The following TRIM67 variants were observed in gnomAD, a reference collection of about 807,000 sequenced individuals.
TRIM67 encodes the protein tripartite motif-containing protein 67.
Under a neutral mutation model 71.0 loss-of-function variants are expected in TRIM67, and 39 were observed. That is an observed-to-expected ratio of 0.55 (90% confidence interval 0.43 to 0.72). The LOEUF is 0.72. Among genes scored for constraint, TRIM67 ranks in the 30% least tolerant of loss-of-function variants. TRIM67 has a pLI of 0.00. For missense variants in TRIM67, 973 were observed against 1,079.2 expected (o/e 0.90, Z 1.38); for synonymous variants, 481 against 473.9 (o/e 1.01, Z -0.19).
intron 2 of TRIM67, among the ~76,000 whole-genome samples, chr1:231,198,010 A>T (rs1174860131): frequency 6.6e-6 from 1 of 152,164 alleles, no homozygotes; most frequent in Non-Finnish European, 1.5e-5. Flanking sequence ...CACAAGTGAC[A>T]CCTGATACAG....
intron 6 of TRIM67, among the ~76,000 whole-genome samples, chr1:231,204,723 A>G (rs980010953): frequency 6.6e-6 from 1 of 152,104 alleles, no homozygotes; most frequent in Non-Finnish European, 1.5e-5. Flanking sequence ...AGAAGATTAA[A>G]TAAACACTCA....
rs1415699053 is a variant in TRIM67 at position 231,162,560 on chromosome 1, G to A, written c.-410G>A. On this transcript the variant is annotated 5_prime_UTR_variant, in exon 1 of 10. Coordinates refer to ENST00000366653, the MANE Select transcript of TRIM67 (RefSeq NM_001004342.5). ...GGGGTAGCCGCCCACCGGAGCCAGGGGCTGAAGCAGCGAGCGCACAGCAGC... is the reference window on the plus strand; with the variant it reads ...GGGGTAGCCGCCCACCGGAGCCAGGAGCTGAAGCAGCGAGCGCACAGCAGC... The A allele has an allele frequency of 2.0e-5, 4 of 203,542 alleles. No individual in the cohort carries two copies. Among genetic ancestry groups the A allele is most frequent in the Non-Finnish European group, 3.9e-5 (4 of 101,838 alleles). The allele number at this position is 203,542 out of a possible 1,614,324, so 12.6% of individuals were successfully genotyped here. A position where few individuals can be genotyped will look rare whatever the true frequency, so the allele number is the denominator to read the frequency against.
At position 231,209,288 on chromosome 1, in the gene TRIM67, G is replaced by T; in HGVS notation, c.2123+38G>T. ...CCCATCCTGCCTCCCGTGGACACAG[G>T]TTGTTTGGGAATGAGGGTCCTGAAG... On this transcript the variant is annotated intron_variant, in intron 8 of 9. Transcript: ENST00000366653. This position sits in a 1 kb window ranked among gnomAD's most constrained non-coding sequence, Gnocchi z 4.1. The T allele has an allele frequency of 6.7e-7, 1 of 1,501,614 alleles. No homozygotes were observed. The highest frequency in any genetic ancestry group is 8.9e-7 in the Non-Finnish European group (1 of 1,121,262). The allele number at this position is 1,501,614 out of a possible 1,614,324, so 93.0% of individuals were successfully genotyped here.
intron 8 of TRIM67, 116 bp from the exon 9 acceptor site, chr1:231,213,699 C>T (rs1267514250): frequency 3.0e-6 from 4 of 1,321,234 alleles, no homozygotes; most frequent in Middle Eastern, 2.2e-4. Flanking sequence ...TCACTGCACT[C>T]CAGCCTGGGT....
chr1:231,195,421 G>A (rs1683340855), intron 1 of TRIM67, among the ~76,000 whole-genome samples: 1 of 152,212 alleles, frequency 6.6e-6, no homozygotes, highest in South Asian at 2.1e-4. Flanking sequence ...TATTCTATGG[G>A]ATGTTTCACT....
intron 1 of TRIM67, among the ~76,000 whole-genome samples, chr1:231,189,280 T>G (rs748943795): frequency 5.7e-4 from 86 of 152,206 alleles, no homozygotes; most frequent in Non-Finnish European, 1.0e-3. Flanking sequence ...AATGATGGCC[T>G]CCAAGGACGA....
chr1:231,211,027 A>ATATATATATATATAT (rs1553328710), intron 8 of TRIM67, among the ~76,000 whole-genome samples: 1 of 130,472 alleles, frequency 7.7e-6, no homozygotes, highest in African/African-American at 2.8e-5. Context: ...TACCAAAAAA[A>ATATATATATATATAT]AAAAATATAT....
chr1:231,181,005 C>T (rs1010048212), intron 1 of TRIM67, among the ~76,000 whole-genome samples: 19 of 152,034 alleles, frequency 1.2e-4, no homozygotes, highest in Admixed American at 3.3e-4. Flanking sequence ...CTCGCTCTGT[C>T]GCCAGGCTAG....
intron 1 of TRIM67, 116 bp from the exon 2 acceptor site, chr1:231,197,255 A>ATTCT: frequency 1.4e-6 from 1 of 728,110 alleles, no homozygotes; most frequent in Non-Finnish European, 2.3e-6. Flanking sequence ...TGAGAACAGC[A>ATTCT]GATGCGTGGG....
chr1:231,178,316 A>G (rs942064726), intron 1 of TRIM67, among the ~76,000 whole-genome samples: 8 of 152,244 alleles, frequency 5.3e-5, no homozygotes, highest in African/African-American at 1.4e-4. Flanking sequence ...TACGGGGAAT[A>G]AGAAAGCCAG....
In TRIM67 at chr1:231,217,821, T is replaced by G. The variant is rs1237979409; in HGVS notation, c.*2381T>G. 1.6e-6 allele frequency: 2 copies of G among 1,289,422 alleles called. No individual in the cohort carries two copies. The highest frequency in any genetic ancestry group is 2.3e-5 in the Admixed American group (1 of 43,528). The allele number at this position is 1,289,422 out of a possible 1,614,324, so 79.9% of individuals were successfully genotyped here. A position where few individuals can be genotyped will look rare whatever the true frequency, so the allele number is the denominator to read the frequency against. On this transcript the variant is annotated 3_prime_UTR_variant, in exon 10 of 10. Transcript: ENST00000366653. Reference sequence around the variant, plus strand: ...CCCCTTTGAGGGAGCAGCATCCAGGTCAGGAGAGAAGTGGAAAGTGCAGGA... The same window carrying G: ...CCCCTTTGAGGGAGCAGCATCCAGGGCAGGAGAGAAGTGGAAAGTGCAGGA...
chr1:231,219,506 G>T lies in TRIM67; in HGVS notation c.*4066G>T. On this transcript the variant is annotated 3_prime_UTR_variant, in exon 10 of 10. Coordinates refer to ENST00000366653, the MANE Select transcript of TRIM67 (RefSeq NM_001004342.5). ...CAGGATTTTCCATGTGTCTTCAGGGGGCAGGTAGGGGAAAATGGGGTGAGC... is the reference window on the plus strand; with the variant it reads ...CAGGATTTTCCATGTGTCTTCAGGGTGCAGGTAGGGGAAAATGGGGTGAGC... 1 of 1,069,440 alleles carries T rather than the reference G, an allele frequency of 9.4e-7. No homozygotes were observed. Among genetic ancestry groups the T allele is most frequent in the African/African-American group, 1.7e-5 (1 of 58,872 alleles). 66.2% of individuals were successfully genotyped at this position (1,069,440 alleles called of 1,614,324 possible).
At chr1:231,197,139 T>A (rs1259429645) in intron 1 of TRIM67, among the ~76,000 whole-genome samples, 1 of 152,216 alleles carries the variant, frequency 6.6e-6, no homozygotes, top group Non-Finnish European at 1.5e-5. Flanking sequence ...TCCTTACCTC[T>A]ATCCAGCTTT....
At chr1:231,174,383 G>C (rs1378892948) in intron 1 of TRIM67, among the ~76,000 whole-genome samples, 1 of 151,452 alleles carries the variant, frequency 6.6e-6, no homozygotes, top group African/African-American at 2.4e-5. Context: ...GCCTAGGCTG[G>C]TCTCAATCTC....
chr1:231,176,917 A>AAAAAAAAAC (rs1021923688), intron 1 of TRIM67, among the ~76,000 whole-genome samples: 1 of 151,688 alleles, frequency 6.6e-6, no homozygotes, highest in East Asian at 1.9e-4. Context: ...AAAAAAAAAA[A>AAAAAAAAAC]AAAAAACACC....
chr1:231,174,762 C>T (rs182028062), intron 1 of TRIM67, among the ~76,000 whole-genome samples: 12 of 152,302 alleles, frequency 7.9e-5, no homozygotes, highest in Admixed American at 7.2e-4. Context: ...GAGGTCTTTG[C>T]TGTGCTCTGG....
At chr1:231,206,288 T>A (rs1211458175) in intron 6 of TRIM67, among the ~76,000 whole-genome samples, 1 of 151,042 alleles carries the variant, frequency 6.6e-6, no homozygotes, top group Admixed American at 6.6e-5. Context: ...TATATATATA[T>A]AAATTAGCTG....
chr1:231,218,178 TC>T lies in TRIM67; in HGVS notation c.*2741del, dbSNP rs1684060787. On this transcript the variant is annotated 3_prime_UTR_variant, in exon 10 of 10. Coordinates refer to ENST00000366653, the MANE Select transcript of TRIM67 (RefSeq NM_001004342.5). ...TATCAATTCCTCATGGCCAGGAAGGTCCCGGGTTTCAGAGTAGAAATGACAG... is the reference window on the plus strand; with the variant it reads ...TATCAATTCCTCATGGCCAGGAAGGTCCGGGTTTCAGAGTAGAAATGACAG... 1 of 1,023,852 alleles carries T rather than the reference TC, an allele frequency of 9.8e-7. No individual in the cohort carries two copies. Among genetic ancestry groups the T allele is most frequent in the South Asian group, 3.9e-5 (1 of 25,778 alleles). 63.4% of individuals were successfully genotyped at this position (1,023,852 alleles called of 1,614,324 possible).
chr1:231,219,843 A>G lies in TRIM67; in HGVS notation c.*4403A>G, dbSNP rs1249619291. The G allele has an allele frequency of 7.8e-7, 1 of 1,288,850 alleles. No individual in the cohort carries two copies. The highest frequency in any genetic ancestry group is 1.0e-6 in the Non-Finnish European group (1 of 988,346). 79.8% of individuals were successfully genotyped at this position (1,288,850 alleles called of 1,614,324 possible). The stretch of plus-strand genomic sequence containing the variant: ...GCAGTTCCTCCCAGAAGATCAAAGG[A>G]TCCTGCAGCTTTAACCTAATATCTA... On this transcript the variant is annotated 3_prime_UTR_variant, in exon 10 of 10. Transcript: ENST00000366653.
Sources: allele counts gnomAD v4.1 joint callset (sites outside exome capture counted in the v4.1 genomes callset), GRCh38; gene constraint gnomAD v4.1.1; non-coding constraint Gnocchi (gnomAD v3.1); transcripts MANE v1.5; gene names NCBI Gene and HGNC (gene_info 2026-07-23, HGNC 2026-07-21).